Variants in ADCY7 observed in about 807,000 individuals in gnomAD.
ADCY7 encodes the protein adenylate cyclase 7, also known as adenylate cyclase type 7.
Under a neutral mutation model 120.6 loss-of-function variants are expected in ADCY7, and 72 were observed. That is an observed-to-expected ratio of 0.60 (90% confidence interval 0.49 to 0.73). The LOEUF (loss-of-function observed/expected upper bound fraction) is 0.73. ADCY7 is among the 30% of genes least tolerant of loss of function. ADCY7 has a pLI of 0.00. For synonymous variants in ADCY7, 661 were observed against 628.0 expected (o/e 1.05, Z -0.78); for missense variants, 1,227 against 1,486.0 (o/e 0.83, Z 2.87).
At chr16:50,282,197 G>A (rs771416759) in intron 1 of ADCY7, among the ~76,000 whole-genome samples, 3 of 152,248 alleles carry the variant, frequency 2.0e-5, no homozygotes, top group Non-Finnish European at 2.9e-5. Context: ...GTGAGGAAGT[G>A]GGTGTCCTGT....
chr16:50,270,481 G>A (rs1596821818), intron 1 of ADCY7, among the ~76,000 whole-genome samples: 1 of 152,204 alleles, frequency 6.6e-6, no homozygotes, highest in East Asian at 1.9e-4. Flanking sequence ...AATGGGGTTG[G>A]TAAAGGTACC....
intron 1 of ADCY7, among the ~76,000 whole-genome samples, chr16:50,249,156 C>T (rs935975987): frequency 1.3e-5 from 2 of 152,192 alleles, no homozygotes; most frequent in Non-Finnish European, 1.5e-5. Context: ...TACTCAGGCT[C>T]TGGCCTGGCG....
At chr16:50,253,209 A>C (rs563271825) in intron 1 of ADCY7, among the ~76,000 whole-genome samples, 1 of 152,226 alleles carries the variant, frequency 6.6e-6, no homozygotes, top group South Asian at 2.1e-4. Flanking sequence ...ATGTAGTGGG[A>C]CTGTTTCTTT....
At chr16:50,251,201 C>T (rs1304243907) in intron 1 of ADCY7, among the ~76,000 whole-genome samples, 2 of 151,540 alleles carry the variant, frequency 1.3e-5, no homozygotes, top group Non-Finnish European at 2.9e-5. Context: ...GATCACTCTA[C>T]TGCCCACTAG....
At chr16:50,271,708 G>A (rs1292176685) in intron 1 of ADCY7, among the ~76,000 whole-genome samples, 3 of 152,062 alleles carry the variant, frequency 2.0e-5, no homozygotes, top group Non-Finnish European at 2.9e-5. Flanking sequence ...CCCCTTTCCT[G>A]CCCTTGGCCC....
chr16:50,308,587 A>C (rs1182091849), intron 16 of ADCY7, 80 bp from the exon 17 acceptor site: 1 of 1,556,058 alleles, frequency 6.4e-7, no homozygotes, highest in Non-Finnish European at 8.7e-7. Flanking sequence ...TCCCGAGGAT[A>C]CCCCTCCCCA....
At chr16:50,294,388 C>T (rs1476857375) in intron 6 of ADCY7, among the ~76,000 whole-genome samples, 2 of 152,166 alleles carry the variant, frequency 1.3e-5, no homozygotes, top group African/African-American at 2.4e-5. Flanking sequence ...GTGATAGGGC[C>T]TGGGGTGGGG....
At chr16:50,313,439 A>AC (rs1296203974) in intron 22 of ADCY7, 8 of 181,632 alleles carry the variant, frequency 4.4e-5, no homozygotes, top group Non-Finnish European at 8.1e-5. Context: ...CAACAACAAA[A>AC]AAAAAACGAC....
Position 50,294,623 on chromosome 16 carries a change from C to A in ADCY7, c.837-17C>A. The A allele has an allele frequency of 7.9e-6, 11 of 1,396,140 alleles. No homozygotes were observed. The highest frequency in any genetic ancestry group is 1.1e-5 in the Non-Finnish European group (11 of 989,932). 86.5% of individuals were successfully genotyped at this position (1,396,140 alleles called of 1,614,324 possible). A position where few individuals can be genotyped will look rare whatever the true frequency, so the allele number is the denominator to read the frequency against. ...AGCCTGGCTCTGACACTCCCTCCCA[C>A]CCTGCCCCATCCCCAGCATCCTCTA... On this transcript the variant is annotated splice_polypyrimidine_tract_variant and intron_variant, in intron 6 of 25. Transcript: ENST00000673801.
Position 50,248,143 on chromosome 16 carries a change from T to G in ADCY7, c.-64+1940T>G, listed in dbSNP as rs111552194. Among the ~76,000 whole-genome samples, 714 of 152,346 alleles carry G rather than the reference T, an allele frequency of 4.7e-3. 3 individuals carry two copies. Among genetic ancestry groups the G allele is most frequent in the South Asian group, 0.02 (96 of 4,826 alleles). ...TGGTTTGGGTCCACATCAGCGAGCC[T>G]GAGCTCCATCCCTAAATGCAGAATC... On this transcript the variant is annotated intron_variant, in intron 1 of 4. Transcript: ENST00000564044.
At chr16:50,263,647 C>T (rs746302895), upstream of ADCY7, among the ~76,000 whole-genome samples, 34 of 152,114 alleles carry the variant, frequency 2.2e-4, no homozygotes, top group Admixed American at 1.3e-4. Flanking sequence ...GGGAACCCCC[C>T]TCCTGTGTCC....
intron 5 of ADCY7, 67 bp from the exon 6 acceptor site, chr16:50,293,287 G>C (rs963573670): frequency 6.4e-7 from 1 of 1,566,584 alleles, no homozygotes; most frequent in East Asian, 2.3e-5. Context: ...TACCCTGCCT[G>C]TCCCCCGCTG....
At chr16:50,262,550 C>G (rs2033088258), upstream of ADCY7, among the ~76,000 whole-genome samples, 1 of 152,114 alleles carries the variant, frequency 6.6e-6, no homozygotes, top group Non-Finnish European at 1.5e-5. Context: ...TGGTCTCGAA[C>G]TCCTGGCCTC....
chr16:50,312,757 A>C, intron 21 of ADCY7, 133 bp from the exon 22 acceptor site: 2 of 497,536 alleles, frequency 4.0e-6, no homozygotes, highest in Non-Finnish European at 3.6e-6. Flanking sequence ...AAACTCATGC[A>C]GCCCGCCCCC....
intron 1 of ADCY7, among the ~76,000 whole-genome samples, chr16:50,281,876 C>T (rs552680267): frequency 2.0e-5 from 3 of 152,282 alleles, no homozygotes; most frequent in Non-Finnish European, 4.4e-5. Context: ...AGAGAGTTCG[C>T]GTTAATATGA....
At chr16:50,313,197 A>G in intron 22 of ADCY7, 161 bp downstream of exon 22, 1 of 913,764 alleles carries the variant, frequency 1.1e-6, no homozygotes, top group South Asian at 1.8e-5. Flanking sequence ...TGGGTGGATC[A>G]CTTGAGGCTA....
chr16:50,312,763 C>T (rs907471609), intron 21 of ADCY7, 127 bp from the exon 22 acceptor site: 9 of 652,518 alleles, frequency 1.4e-5, no homozygotes, highest in Admixed American at 2.7e-5. Flanking sequence ...ATGCAGCCCG[C>T]CCCCCTCCCC....
chr16:50,287,083 T>C (rs1567549234), intron 1 of ADCY7, among the ~76,000 whole-genome samples: 1 of 151,670 alleles, frequency 6.6e-6, no homozygotes, highest in Non-Finnish European at 1.5e-5. Flanking sequence ...TGGCACGATC[T>C]CAGCTTACTG....
At chr16:50,294,012 C>A (rs1000048117) in intron 6 of ADCY7, among the ~76,000 whole-genome samples, 1 of 151,444 alleles carries the variant, frequency 6.6e-6, no homozygotes, top group South Asian at 2.1e-4. Flanking sequence ...CCCAGGAGAC[C>A]CCCTGGGTCC....
Sources: gnomAD v4.1 joint callset for allele counts (sites outside exome capture counted in the v4.1 genomes callset) on GRCh38, gnomAD v4.1.1 for gene constraint, MANE v1.5 for transcripts, NCBI Gene and HGNC (gene_info 2026-07-23, HGNC 2026-07-21) for gene names.